BMAL1: variants seen among roughly 807,000 people sequenced by gnomAD.
BMAL1 encodes the protein basic helix-loop-helix ARNT like 1, also known as basic helix-loop-helix ARNT-like protein 1.
chr11:13,305,412 G>T, the BMAL1 span, among the ~76,000 whole-genome samples: 3 of 152,166 alleles, frequency 2.0e-5, no homozygotes, highest in African/African-American at 7.2e-5. Context: ...TTCATTGCTA[G>T]TATATAGAAA....
chr11:13,302,208 C>A, the BMAL1 span, among the ~76,000 whole-genome samples: 2 of 152,076 alleles, frequency 1.3e-5, no homozygotes, highest in African/African-American at 4.8e-5. Flanking sequence ...TGCAGACAAT[C>A]CCAGGAGGTG....
the BMAL1 span, among the ~76,000 whole-genome samples, chr11:13,375,431 G>A: frequency 6.6e-6 from 1 of 152,198 alleles, no homozygotes; most frequent in Non-Finnish European, 1.5e-5. Context: ...TGAATTGAAA[G>A]GCTCTGAGTT....
At chr11:13,306,637 T>G in the BMAL1 span, among the ~76,000 whole-genome samples, 1 of 151,260 alleles carries the variant, frequency 6.6e-6, no homozygotes, top group African/African-American at 2.4e-5. Flanking sequence ...GGCTGCTGGG[T>G]AAAAATCCAG....
At chr11:13,366,770 A>G in the BMAL1 span, 2 of 1,613,960 alleles carry the variant, frequency 1.2e-6, no homozygotes, top group Admixed American at 1.7e-5. Context: ...GGAGCGGCTC[A>G]TAGATGCAAA....
chr11:13,287,506 C>A, the BMAL1 span, among the ~76,000 whole-genome samples: 4,399 of 152,270 alleles, frequency 0.029, 213 homozygotes, highest in African/African-American at 0.1. Context: ...AAAACAGTGT[C>A]TGTACAGAAA....
At chr11:13,366,894 C>T in the BMAL1 span, 7 of 643,184 alleles carry the variant, frequency 1.1e-5, no homozygotes, top group Non-Finnish European at 1.8e-5. Context: ...AGTCCTACTT[C>T]TCTGTCCTCT....
chr11:13,313,449 G>C, the BMAL1 span, among the ~76,000 whole-genome samples: 1 of 152,100 alleles, frequency 6.6e-6, no homozygotes, highest in Non-Finnish European at 1.5e-5. Context: ...ACCTCAACCT[G>C]TCTGTCCCCT....
the BMAL1 span, among the ~76,000 whole-genome samples, chr11:13,348,408 T>C: frequency 6.7e-3 from 1,016 of 152,192 alleles, 12 homozygotes; most frequent in African/African-American, 0.023. Context: ...ATCCCGCCTC[T>C]GACCACAGTG....
the BMAL1 span, among the ~76,000 whole-genome samples, chr11:13,304,989 T>A: frequency 5.3e-5 from 8 of 152,328 alleles, no homozygotes; most frequent in East Asian, 1.5e-3. Context: ...GAGGAGAGCC[T>A]TTCTCTACAT....
the BMAL1 span, among the ~76,000 whole-genome samples, chr11:13,352,115 A>AT: frequency 3.3e-4 from 50 of 152,022 alleles, no homozygotes; most frequent in Admixed American, 2.6e-3. Context: ...TGGGGAAGGG[A>AT]TCCTAAGTAG....
At chr11:13,384,926 T>A in the BMAL1 span, among the ~76,000 whole-genome samples, 1 of 152,230 alleles carries the variant, frequency 6.6e-6, no homozygotes, top group South Asian at 2.1e-4. Flanking sequence ...TCAATGATTT[T>A]TTTAAGAGTG....
the BMAL1 span, among the ~76,000 whole-genome samples, chr11:13,371,213 A>G: frequency 1.8e-3 from 279 of 152,328 alleles, 6 homozygotes; most frequent in South Asian, 0.025. Flanking sequence ...GGTGAAGTCT[A>G]TAGGTGCTCC....
the BMAL1 span, among the ~76,000 whole-genome samples, chr11:13,293,989 T>C: frequency 6.6e-6 from 1 of 152,208 alleles, no homozygotes; most frequent in Non-Finnish European, 1.5e-5. Flanking sequence ...TATGTATTAA[T>C]AGAAAATGTA....
the BMAL1 span, chr11:13,354,499 C>T: frequency 8.8e-6 from 14 of 1,593,246 alleles, no homozygotes; most frequent in Admixed American, 5.2e-5. Context: ...TGTCAGTTCT[C>T]GGGCATGGAA....
the BMAL1 span, among the ~76,000 whole-genome samples, chr11:13,340,451 T>A: frequency 2.6e-5 from 4 of 152,246 alleles, no homozygotes; most frequent in Admixed American, 6.5e-5. Context: ...ATTGTCCTAG[T>A]CCAAGCTTCT....
chr11:13,335,417 A>G, the BMAL1 span, among the ~76,000 whole-genome samples: 2 of 152,108 alleles, frequency 1.3e-5, no homozygotes, highest in South Asian at 2.1e-4. Flanking sequence ...CTGGTTCTGA[A>G]TGGGTACTTC....
At chr11:13,330,696 T>C in the BMAL1 span, among the ~76,000 whole-genome samples, 1 of 152,248 alleles carries the variant, frequency 6.6e-6, no homozygotes, top group Admixed American at 6.5e-5. Flanking sequence ...AGTATACTTA[T>C]GTTCTCAAAA....
the BMAL1 span, among the ~76,000 whole-genome samples, chr11:13,373,175 ACCT>A: frequency 1.3e-5 from 2 of 152,052 alleles, no homozygotes; most frequent in Non-Finnish European, 1.5e-5. Context: ...ATCTAATCCA[ACCT>A]CCTTATTTTA....
the BMAL1 span, chr11:13,374,251 C>T: frequency 3.3e-6 from 5 of 1,527,266 alleles, no homozygotes; most frequent in African/African-American, 6.8e-5. Context: ...CCCCTTGCTT[C>T]TAGACTAGTC....
Sources: gnomAD v4.1 joint callset for allele counts (sites outside exome capture counted in the v4.1 genomes callset) on GRCh38, gnomAD v4.1.1 for gene constraint, MANE v1.5 for transcripts, NCBI Gene and HGNC (gene_info 2026-07-23, HGNC 2026-07-21) for gene names.